The following COL9A3 variants were observed in gnomAD, a reference collection of about 807,000 sequenced individuals.
The protein encoded by COL9A3 is collagen alpha-3(IX) chain.
In COL9A3, 82 loss-of-function variants were observed where a neutral mutation model predicts 110.2. That is an observed-to-expected ratio of 0.74 (90% CI 0.62 to 0.89). The LOEUF is 0.89. Among genes scored for constraint, COL9A3 ranks in the 40% least tolerant of loss-of-function variants. The probability of loss-of-function intolerance (pLI) is 0.00; values close to 1 mark genes in which losing one functional copy is unlikely to be tolerated. For synonymous variants in COL9A3, 494 were observed against 403.8 expected, an observed-to-expected ratio of 1.22 and a Z score of -2.68; for missense variants, 1,066 against 981.3, an observed-to-expected ratio of 1.09 and a Z score of -1.15.
chr20:62,826,846 G>A (rs1288651722), intron 15 of COL9A3, 26 bp downstream of exon 15: 16 of 1,611,096 alleles, frequency 9.9e-6, no homozygotes, highest in East Asian at 4.5e-5. Flanking sequence ...GACGGTGGGC[G>A]CCATGCCTCG....
At position 62,829,817 on chromosome 20, in the gene COL9A3, GC is replaced by G; in HGVS notation, c.1160del (p.Ala387GlyfsTer146). 6.4e-7 allele frequency: 1 copy of G among 1,568,832 alleles called. No individual in the cohort carries two copies. Among genetic ancestry groups the G allele is most frequent in the Non-Finnish European group, 8.6e-7 (1 of 1,158,032 alleles). ...ERGEAGHRGS[A>X]GALGPQGPPG... Reference sequence around the variant, plus strand: ...CGGTGAGGCTGGCCACCGGGGCTCAGCGGTGAGTGCAGGGACATGGCCCGGG... The same window carrying G: ...CGGTGAGGCTGGCCACCGGGGCTCAGGGTGAGTGCAGGGACATGGCCCGGG... On this transcript the variant is annotated frameshift_variant and splice_region_variant, in exon 22 of 32. Coordinates refer to ENST00000649368, the MANE Select transcript of COL9A3 (RefSeq NM_001853.4). LOFTEE classifies it high-confidence loss of function.
In COL9A3 at chr20:62,830,582, C is replaced by T. The variant is rs540778223; in HGVS notation, c.1281C>T (p.Gly427=). 15 of 1,601,074 alleles carry T rather than the reference C, an allele frequency of 9.4e-6. No homozygotes were observed. Among genetic ancestry groups the T allele is most frequent in the Middle Eastern group, 1.7e-4 (1 of 5,800 alleles). The change falls in exon 24 of 32, where the codon GGC becomes GGT. Residue 427 remains glycine, a synonymous_variant. Transcript: ENST00000649368. ...PGPQGLRGDV[G]DRGPGGAAGP... ...CCCAGGGCCTCCGAGGTGACGTGGG[C>T]GACCGGGTAAGTGGCCCTCTCAGCA...
intron 13 of COL9A3, 145 bp from the exon 14 acceptor site, chr20:62,826,059 C>T: frequency 9.2e-7 from 1 of 1,087,024 alleles, no homozygotes; most frequent in South Asian, 1.4e-5. Context: ...GGCTGGTGCC[C>T]CCTCCCTCTG....
chr20:62,832,005 G>T, intron 24 of COL9A3, 149 bp from the exon 25 acceptor site: 1 of 822,192 alleles, frequency 1.2e-6, no homozygotes, highest in Non-Finnish European at 2.1e-6. Context: ...TGGCCTTTGG[G>T]CCTGTGTCTG....
chr20:62,833,948 C>T (rs1307771471), intron 26 of COL9A3, among the ~76,000 whole-genome samples: 3 of 152,040 alleles, frequency 2.0e-5, no homozygotes, highest in Non-Finnish European at 4.4e-5. Context: ...GACGCCATCT[C>T]GGCTCACTGC....
At chr20:62,839,298 G>A (rs543555407) in intron 31 of COL9A3, among the ~76,000 whole-genome samples, 2 of 152,162 alleles carry the variant, frequency 1.3e-5, no homozygotes, top group South Asian at 4.1e-4. Flanking sequence ...AATTTGGTTA[G>A]ATTCTGTTTA....
At chr20:62,834,919 G>T (rs189772063) in intron 26 of COL9A3, among the ~76,000 whole-genome samples, 2 of 152,218 alleles carry the variant, frequency 1.3e-5, no homozygotes, top group Non-Finnish European at 2.9e-5. Context: ...GATTACAGGC[G>T]TGAGCCACCT....
intron 1 of COL9A3, 158 bp from the exon 2 acceptor site, chr20:62,817,409 C>T (rs1990963958): frequency 8.5e-6 from 5 of 586,038 alleles, no homozygotes; most frequent in Non-Finnish European, 1.5e-5. Context: ...GGGGGACACA[C>T]TGCGCGGGGG....
chr20:62,826,677 C>T, intron 14 of COL9A3, 90 bp from the exon 15 acceptor site: 7 of 1,432,256 alleles, frequency 4.9e-6, no homozygotes, highest in Non-Finnish European at 6.8e-6. Context: ...GGAAGGGCTG[C>T]TTGTGTCTGG....
intron 1 of COL9A3, 114 bp from the exon 2 acceptor site, chr20:62,817,453 G>T (rs1441485673): frequency 1.3e-6 from 1 of 756,642 alleles, no homozygotes; most frequent in Non-Finnish European, 2.2e-6. Context: ...GGGTCTCACC[G>T]AGGAGAGCGG....
chr20:62,817,759 C>CAG, intron 2 of COL9A3, 124 bp downstream of exon 2: 1 of 692,052 alleles, frequency 1.4e-6, no homozygotes, highest in African/African-American at 1.8e-5. Context: ...GGGGTGACAT[C>CAG]AGGGGACAGC....
At position 62,837,270 on chromosome 20, in the gene COL9A3, GTGTT is replaced by G. The variant is rs752072023; in HGVS notation, c.1786+8_1786+11del. 7.5e-6 allele frequency: 12 copies of G among 1,608,728 alleles called. No individual in the cohort carries two copies. In the East Asian group the frequency reaches 8.9e-5, roughly 12 times the overall value. On this transcript the variant is annotated splice_donor_region_variant and intron_variant, in intron 30 of 31. Transcript: ENST00000649368. ...TGGGAGACCCCGGGCCCAGAGGTGA[GTGTT>G]TGACCCCATGACACGGTCACCCTGC...
At chr20:62,823,283 C>G (rs542651481) in intron 10 of COL9A3, among the ~76,000 whole-genome samples, 11 of 152,296 alleles carry the variant, frequency 7.2e-5, no homozygotes, top group Admixed American at 2.0e-4. Flanking sequence ...TTGCAGGGTG[C>G]TGTGATCAAG....
intron 31 of COL9A3, among the ~76,000 whole-genome samples, chr20:62,839,515 A>T (rs2063658273): frequency 6.6e-6 from 1 of 152,208 alleles, no homozygotes; most frequent in Non-Finnish European, 1.5e-5. Context: ...TTAGACTCCA[A>T]GGATGTGTGT....
intron 11 of COL9A3, 106 bp downstream of exon 11, chr20:62,824,607 G>A: frequency 1.6e-6 from 2 of 1,213,052 alleles, no homozygotes; most frequent in Non-Finnish European, 2.4e-6. Flanking sequence ...CTGGACCCTG[G>A]TTCCAGGGTT....
chr20:62,817,661 C>A, intron 2 of COL9A3, 26 bp downstream of exon 2: 1 of 1,504,154 alleles, frequency 6.6e-7, no homozygotes, highest in South Asian at 1.2e-5. Context: ...GGGAGGGCCC[C>A]GAGCGCTCTG....
rs57754593 is a variant in COL9A3 at position 62,836,178 on chromosome 20, C to A, written c.1402-9C>A. The A allele has an allele frequency of 2.5e-6, 4 of 1,612,938 alleles. No homozygotes were observed. The South Asian group carries it at 4.4e-5, about 18-fold the overall frequency. On this transcript the variant is annotated splice_polypyrimidine_tract_variant and intron_variant, in intron 27 of 31. Coordinates refer to ENST00000649368, the MANE Select transcript of COL9A3 (RefSeq NM_001853.4). ...CGCCCCTGACCCACCTTCCTCTGTT[C>A]CTCTGCAGTCTGGCAGTCGAGGGGA...
chr20:62,828,967 C>T lies in COL9A3; in HGVS notation c.999C>T (p.Asn333=), dbSNP rs531882222. ...RNGAPGEKGP[N]GLPGLPGRAG... is the part of the protein sequence containing the mutation. ...GTGCTCCGGGAGAGAAGGGCCCCAACGGGCTGCCGGTGAGTGCCCGGCGGG... is the reference window on the plus strand; with the variant it reads ...GTGCTCCGGGAGAGAAGGGCCCCAATGGGCTGCCGGTGAGTGCCCGGCGGG... The change falls in exon 19 of 32, where the codon AAC becomes AAT. Residue 333 remains asparagine (N), a synonymous_variant. Coordinates refer to ENST00000649368, the MANE Select transcript of COL9A3 (RefSeq NM_001853.4). 3.7e-5 allele frequency: 59 copies of T among 1,607,410 alleles called. 1 individual carries two copies. In the South Asian group the frequency reaches 4.1e-4, roughly 11 times the overall value.
chr20:62,821,711 G>A (rs748779052), intron 7 of COL9A3, 46 bp from the exon 8 acceptor site: 7 of 1,579,278 alleles, frequency 4.4e-6, no homozygotes, highest in South Asian at 1.1e-5. Flanking sequence ...GGGATCCTCG[G>A]GGCTTCCGGG....
Sources: gnomAD v4.1 joint callset for allele counts (sites outside exome capture counted in the v4.1 genomes callset) on GRCh38, gnomAD v4.1.1 for gene constraint, MANE v1.5 for transcripts, NCBI Gene and HGNC (gene_info 2026-07-23, HGNC 2026-07-21) for gene names.